The following VEGFB variants were observed in gnomAD, a reference collection of about 807,000 sequenced individuals.
VEGFB encodes the protein VEGF-related factor.
A neutral mutation model predicts 22.5 loss-of-function variants in VEGFB; 24 were observed. That is an observed-to-expected ratio of 1.07 (90% CI 0.77 to 1.50). VEGFB has a LOEUF of 1.50. Ranked by LOEUF, VEGFB falls within the 40% of genes most tolerant of loss-of-function variation. The pLI, the probability that VEGFB is intolerant of heterozygous loss-of-function variation, is 0.00. For missense variants in VEGFB, 327 were observed against 287.8 expected (o/e 1.14, Z -0.99); for synonymous variants, 141 against 117.4 (o/e 1.20, Z -1.30).
chr11:64,237,728 C>T, intron 6 of VEGFB, 73 bp downstream of exon 6: 2 of 1,357,984 alleles, frequency 1.5e-6, no homozygotes, highest in Non-Finnish European at 2.0e-6. Flanking sequence ...CCAGGGTGAG[C>T]CTGCCAGTAG....
At chr11:64,237,861 G>A (rs1333133692) in intron 6 of VEGFB, 1 of 548,404 alleles carries the variant, frequency 1.8e-6, no homozygotes, top group East Asian at 2.9e-5. Context: ...ATACAGGAGG[G>A]ACAATGCCAG....
Position 64,237,556 on chromosome 11 carries a change from ACCAGCG to A in VEGFB, c.550_555del (p.Ser184_Ala185del), listed in dbSNP as rs771083500. On this transcript the variant is annotated inframe_deletion, in exon 6 of 7. Transcript: ENST00000309422. ...CTCTGCCCACGCTGCACCCAGCACC[ACCAGCG>A]CCCTGACCCCCGGACCTGCCGCTGC... 7 of 1,600,582 alleles carry A rather than the reference ACCAGCG, an allele frequency of 4.4e-6. No individual in the cohort carries two copies. In the South Asian group the frequency reaches 7.7e-5, roughly 18 times the overall value.
Position 64,238,534 on chromosome 11 carries a change from C to A in VEGFB, c.*201C>A. 1 of 829,584 alleles carries A rather than the reference C, an allele frequency of 1.2e-6. No individual in the cohort carries two copies. Among genetic ancestry groups the A allele is most frequent in the Non-Finnish European group, 1.9e-6 (1 of 527,292 alleles). 51.4% of individuals were successfully genotyped at this position (829,584 alleles called of 1,614,324 possible). A position where few individuals can be genotyped will look rare whatever the true frequency, so the allele number is the denominator to read the frequency against. ...TGGGCCTCTCAGAGGGCTCTTCTGCCATCCCTTGTCTCCCTGAGGCCATCA... is the reference window on the plus strand; with the variant it reads ...TGGGCCTCTCAGAGGGCTCTTCTGCAATCCCTTGTCTCCCTGAGGCCATCA... On this transcript the variant is annotated 3_prime_UTR_variant, in exon 7 of 7. Coordinates refer to ENST00000309422, the MANE Select transcript of VEGFB (RefSeq NM_003377.5).
Position 64,238,679 on chromosome 11 carries a change from C to A in VEGFB, c.*346C>A. 2.1e-6 allele frequency: 1 copy of A among 479,408 alleles called. No individual in the cohort carries two copies. Among genetic ancestry groups the A allele is most frequent in the Non-Finnish European group, 3.8e-6 (1 of 263,610 alleles). 29.7% of individuals were successfully genotyped at this position (479,408 alleles called of 1,614,324 possible). A position where few individuals can be genotyped will look rare whatever the true frequency, so the allele number is the denominator to read the frequency against. ...CCACTCTGTGCAAGTAAGCATCTTA[C>A]AACTGGCTCTTCCTCCCCTCACTAA... is the stretch of plus-strand genomic sequence containing the variant. On this transcript the variant is annotated 3_prime_UTR_variant, in exon 7 of 7. Coordinates refer to ENST00000309422, the MANE Select transcript of VEGFB (RefSeq NM_003377.5).
In VEGFB at chr11:64,235,878, A is replaced by G. The variant is rs922772976; in HGVS notation, c.169A>G (p.Thr57Ala). 6.2e-7 allele frequency: 1 copy of G among 1,613,894 alleles called. No homozygotes were observed. Among genetic ancestry groups the G allele is most frequent in the Non-Finnish European group, 8.5e-7 (1 of 1,180,004 alleles). ...CQPREVVVPLTVELMGTVAKQ... is the reference protein window; with the variant it reads ...CQPREVVVPLAVELMGTVAKQ... The stretch of plus-strand genomic sequence containing the variant: ...GCCCCGGGAGGTGGTGGTGCCCTTG[A>G]CTGTGGAGCTCATGGGCACCGTGGC... Residue 57 changes from threonine to alanine, a missense_variant, in exon 3 of 7, where the codon ACT becomes GCT. Transcript: ENST00000309422.
rs1442534392 is a variant in VEGFB, at chr11:64,237,124, TAGG to T, written c.375-61_375-59del. 397 of 637,964 alleles carry T rather than the reference TAGG, an allele frequency of 6.2e-4. 106 individuals are homozygous for T. The East Asian group carries it at 0.027, about 43-fold the overall frequency. 39.5% of individuals were successfully genotyped at this position (637,964 alleles called of 1,614,324 possible). On this transcript the variant is annotated intron_variant, in intron 4 of 6. Coordinates refer to ENST00000309422, the MANE Select transcript of VEGFB (RefSeq NM_003377.5). ...GAGAGAGAGAGAGAGAGAGAGAGAG[TAGG>T]ATGCTGGGATTTCCTGATCTTCCTC...
At position 64,235,930 on chromosome 11, in the gene VEGFB, C is replaced by G. The variant is rs369533004; in HGVS notation, c.221C>G (p.Thr74Ser). The G allele has an allele frequency of 1.8e-5, 29 of 1,613,144 alleles. No homozygotes were observed. The highest frequency in any genetic ancestry group is 2.3e-5 in the Non-Finnish European group (27 of 1,179,898). The change falls in exon 3 of 7, where the codon ACT becomes AGT. Residue 74 changes from threonine to serine, a missense_variant. Thr to Ser is a moderately conservative substitution (Grantham distance 58). Coordinates refer to ENST00000309422, the MANE Select transcript of VEGFB (RefSeq NM_003377.5). ...VAKQLVPSCV[T>S]VQRCGGCCPD... is the part of the protein sequence containing the mutation. The stretch of plus-strand genomic sequence containing the variant: ...AAACAGCTGGTGCCCAGCTGCGTGA[C>G]TGTGCAGCGCTGTGGTGGCTGCTGC...
At chr11:64,237,817 A>G in intron 6 of VEGFB, 162 bp downstream of exon 6, 1 of 658,778 alleles carries the variant, frequency 1.5e-6, no homozygotes, top group East Asian at 2.8e-5. Context: ...CTGGAGCTGT[A>G]TAAGCAAGTC....
At chr11:64,236,951 C>T (rs571593086) in intron 4 of VEGFB, among the ~76,000 whole-genome samples, 1 of 148,290 alleles carries the variant, frequency 6.7e-6, no homozygotes, top group East Asian at 2.0e-4. Context: ...CGCATGGTGG[C>T]AGGTGCCTGT....
Position 64,238,719 on chromosome 11 carries a change from C to G in VEGFB, c.*386C>G. The G allele has an allele frequency of 2.7e-6, 1 of 372,978 alleles. No individual in the cohort carries two copies. Among genetic ancestry groups the G allele is most frequent in the South Asian group, 3.0e-5 (1 of 33,814 alleles). The allele number at this position is 372,978 out of a possible 1,614,324, so 23.1% of individuals were successfully genotyped here. A position where few individuals can be genotyped will look rare whatever the true frequency, so the allele number is the denominator to read the frequency against. On this transcript the variant is annotated 3_prime_UTR_variant, in exon 7 of 7. Coordinates refer to ENST00000309422, the MANE Select transcript of VEGFB (RefSeq NM_003377.5). Reference sequence around the variant, plus strand: ...CCCCTCACTAAGAAGACCCAAACCTCTGCATAATGGGATTTGGGCTTTGGT... The same window carrying G: ...CCCCTCACTAAGAAGACCCAAACCTGTGCATAATGGGATTTGGGCTTTGGT...
chr11:64,235,314 G>C (rs1427885555), intron 1 of VEGFB, 144 bp from the exon 2 acceptor site: 1 of 782,862 alleles, frequency 1.3e-6, no homozygotes, highest in African/African-American at 1.7e-5. Flanking sequence ...TAAAGCTAGA[G>C]CAGTGGCCGC....
Position 64,238,501 on chromosome 11 carries a change from C to G in VEGFB, c.*168C>G, listed in dbSNP as rs893288627. 15 of 1,262,312 alleles carry G rather than the reference C, an allele frequency of 1.2e-5. No individual in the cohort carries two copies. The highest frequency in any genetic ancestry group is 1.0e-4 in the African/African-American group (7 of 67,332). The allele number at this position is 1,262,312 out of a possible 1,614,324, so 78.2% of individuals were successfully genotyped here. On this transcript the variant is annotated 3_prime_UTR_variant, in exon 7 of 7. Coordinates refer to ENST00000309422, the MANE Select transcript of VEGFB (RefSeq NM_003377.5). ...GACCTCAGCCCAGGCAGAAGCTGCT[C>G]TAGGACCTGGGCCTCTCAGAGGGCT... is the stretch of plus-strand genomic sequence containing the variant.
Position 64,234,744 on chromosome 11 carries a change from C to G in VEGFB, c.-90C>G. On this transcript the variant is annotated 5_prime_UTR_variant, in exon 1 of 7. Coordinates refer to ENST00000309422, the MANE Select transcript of VEGFB (RefSeq NM_003377.5). This position sits in a 1 kb window ranked among gnomAD's most constrained non-coding sequence, Gnocchi z 5.3. ...CGGCCCCCGCCCGCCGCGCCCGGGC[C>G]CGCGCCATGGGGCTCTGGCTGTCGC... 2.2e-6 allele frequency: 1 copy of G among 451,984 alleles called. No individual in the cohort carries two copies. Among genetic ancestry groups the G allele is most frequent in the Non-Finnish European group, 2.9e-6 (1 of 345,816 alleles). 28.0% of individuals were successfully genotyped at this position (451,984 alleles called of 1,614,324 possible).
chr11:64,236,481 C>A (rs533505024), intron 4 of VEGFB, among the ~76,000 whole-genome samples, 154 bp downstream of exon 4: 1 of 151,702 alleles, frequency 6.6e-6, no homozygotes, highest in African/African-American at 2.4e-5. Context: ...TTTGGGAGGC[C>A]GAGGCGGGCG....
In VEGFB at chr11:64,237,126, G is replaced by GAGAGAGAGA; in HGVS notation, c.375-61_375-60insAGAGAGAGA. ...GAGAGAGAGAGAGAGAGAGAGAGTAGGATGCTGGGATTTCCTGATCTTCCT... is the reference window on the plus strand; with the variant it reads ...GAGAGAGAGAGAGAGAGAGAGAGTAGAGAGAGAGAGATGCTGGGATTTCCTGATCTTCCT... On this transcript the variant is annotated intron_variant, in intron 4 of 6. Transcript: ENST00000309422. 14 of 717,458 alleles carry GAGAGAGAGA rather than the reference G, an allele frequency of 2.0e-5. 2 individuals are homozygous for GAGAGAGAGA. The East Asian group carries it at 4.1e-4, about 21-fold the overall frequency. 44.4% of individuals were successfully genotyped at this position (717,458 alleles called of 1,614,324 possible).
In VEGFB at chr11:64,234,979, G is replaced by A. The variant is rs61761265; in HGVS notation, c.60+86G>A. On this transcript the variant is annotated intron_variant, in intron 1 of 6. Coordinates refer to ENST00000309422, the MANE Select transcript of VEGFB (RefSeq NM_003377.5). This position sits in a 1 kb window ranked among gnomAD's most constrained non-coding sequence, Gnocchi z 5.3. ...AGTGAGGAGGCGACCCGCGGCCTCGGCCGAGGGGATCTGCGGGGTCCGGCC... is the reference window on the plus strand; with the variant it reads ...AGTGAGGAGGCGACCCGCGGCCTCGACCGAGGGGATCTGCGGGGTCCGGCC... 5,195 of 1,132,868 alleles carry A rather than the reference G, an allele frequency of 4.6e-3. 30 individuals carry two copies. Among genetic ancestry groups the A allele is most frequent in the East Asian group, 0.029 (860 of 30,076 alleles). 70.2% of individuals were successfully genotyped at this position (1,132,868 alleles called of 1,614,324 possible).
At chr11:64,235,585 ACTCCC>A in intron 2 of VEGFB, 85 bp downstream of exon 2, 1 of 1,430,270 alleles carries the variant, frequency 7.0e-7, no homozygotes, top group Non-Finnish European at 9.8e-7. Flanking sequence ...ATCTTGTGTA[ACTCCC>A]CTAGAAGATT....
In VEGFB at chr11:64,237,528, C is replaced by A. The variant is rs148171166; in HGVS notation, c.519C>A (p.Gly173=). 6.2e-7 allele frequency: 1 copy of A among 1,610,720 alleles called. No individual in the cohort carries two copies. The highest frequency in any genetic ancestry group is 1.3e-5 in the African/African-American group (1 of 74,904). ...ADITHPTPAP[G]PSAHAAPSTT... is the part of the protein sequence containing the mutation. ...TCACCCATCCCACTCCAGCCCCAGGCCCCTCTGCCCACGCTGCACCCAGCA... is the reference window on the plus strand; with the variant it reads ...TCACCCATCCCACTCCAGCCCCAGGACCCTCTGCCCACGCTGCACCCAGCA... The change falls in exon 6 of 7, where the codon GGC becomes GGA. Residue 173 remains glycine, a synonymous_variant. Transcript: ENST00000309422.
At position 64,237,469 on chromosome 11, in the gene VEGFB, G is replaced by A; in HGVS notation, c.460G>A (p.Asp154Asn). Residue 154 changes from aspartate to asparagine, a missense_variant, in exon 6 of 7, where the codon GAC becomes AAC. By Grantham distance (23) the Asp-to-Asn change is conservative. Coordinates refer to ENST00000309422, the MANE Select transcript of VEGFB (RefSeq NM_003377.5). ...RPQPRSVPGW[D>N]SAPGAPSPAD... is the part of the protein sequence containing the mutation. ...CCAGCCCCGTTCTGTTCCGGGCTGG[G>A]ACTCTGCCCCCGGAGCACCCTCCCC... is the stretch of plus-strand genomic sequence containing the variant. 1 of 1,612,044 alleles carries A rather than the reference G, an allele frequency of 6.2e-7. No homozygotes were observed.
Sources: allele counts gnomAD v4.1 joint callset (sites outside exome capture counted in the v4.1 genomes callset), GRCh38; gene constraint gnomAD v4.1.1; non-coding constraint Gnocchi (gnomAD v3.1); transcripts MANE v1.5; gene names NCBI Gene and HGNC (gene_info 2026-07-23, HGNC 2026-07-21).